Variants in MACROD2 observed in about 807,000 individuals in gnomAD.
MACROD2 encodes the protein ADP-ribose glycohydrolase MACROD2.
Under a neutral mutation model 70.4 loss-of-function variants are expected in MACROD2, and 36 were observed. The ratio of observed to expected loss-of-function variants is 0.51; its 90% CI spans 0.39 to 0.68. The LOEUF (loss-of-function observed/expected upper bound fraction) is 0.68, where lower values mean the gene tolerates loss of function less well. MACROD2 is among the 30% of genes least tolerant of loss of function. The pLI is 0.00. For missense variants in MACROD2, 496 were observed against 538.4 expected (o/e 0.92, Z 0.78); for synonymous variants, 172 against 178.8 (o/e 0.96, Z 0.30).
At chr20:14,418,056 C>G (rs1473992506) in intron 3 of MACROD2, among the ~76,000 whole-genome samples, 1 of 151,946 alleles carries the variant, frequency 6.6e-6, no homozygotes, top group Non-Finnish European at 1.5e-5. Context: ...TATAAGCTAA[C>G]TGAAAATGAA....
intron 3 of MACROD2, among the ~76,000 whole-genome samples, chr20:14,364,982 T>C (rs2083258543): frequency 6.6e-6 from 1 of 152,238 alleles, no homozygotes. Context: ...GCTAGCTTCA[T>C]AGAATGAATT....
At chr20:14,678,040 G>T (rs566027788) in intron 4 of MACROD2, among the ~76,000 whole-genome samples, 31 of 152,132 alleles carry the variant, frequency 2.0e-4, no homozygotes, top group Non-Finnish European at 4.1e-4. Flanking sequence ...ACATAATAAA[G>T]GTTTATCACC....
intron 5 of MACROD2, among the ~76,000 whole-genome samples, chr20:15,065,505 A>C (rs994251107): frequency 6.6e-6 from 1 of 152,030 alleles, no homozygotes; most frequent in African/African-American, 2.4e-5. Context: ...AATACAAAAA[A>C]TTAGCCAGGC....
At chr20:14,771,668 CACAT>C (rs764506173) in intron 5 of MACROD2, among the ~76,000 whole-genome samples, 31 of 125,256 alleles carry the variant, frequency 2.5e-4, no homozygotes, top group South Asian at 4.8e-4. Flanking sequence ...CACACACACA[CACAT>C]ATATATATAT....
At chr20:14,113,209 TGTTA>T (rs1193541714) in intron 3 of MACROD2, among the ~76,000 whole-genome samples, 7 of 152,096 alleles carry the variant, frequency 4.6e-5, no homozygotes, top group Non-Finnish European at 8.8e-5. Context: ...TTTTACATAC[TGTTA>T]GTACAAAGGC....
At chr20:15,056,695 G>A (rs1311663906) in intron 5 of MACROD2, among the ~76,000 whole-genome samples, 1 of 151,996 alleles carries the variant, frequency 6.6e-6, no homozygotes, top group Non-Finnish European at 1.5e-5. Context: ...CATGGTTATA[G>A]GACAAAATTT....
intron 8 of MACROD2, among the ~76,000 whole-genome samples, chr20:15,804,183 A>G (rs2063749547): frequency 6.6e-6 from 1 of 152,204 alleles, no homozygotes; most frequent in African/African-American, 2.4e-5. Context: ...TAAACTTCTT[A>G]AAGTTGGCAT....
At chr20:14,095,767 G>A (rs1425347988) in intron 3 of MACROD2, among the ~76,000 whole-genome samples, 1 of 152,068 alleles carries the variant, frequency 6.6e-6, no homozygotes, top group Non-Finnish European at 1.5e-5. Context: ...CCTTCTCTGG[G>A]AATTTAACAA....
intron 8 of MACROD2, among the ~76,000 whole-genome samples, chr20:15,839,508 G>T (rs1056757965): frequency 6.6e-6 from 1 of 152,120 alleles, no homozygotes; most frequent in African/African-American, 2.4e-5. Context: ...ACTGCCATGA[G>T]ACTATTGACT....
chr20:14,674,774 G>A (rs1008885874), intron 4 of MACROD2, among the ~76,000 whole-genome samples: 1 of 152,120 alleles, frequency 6.6e-6, no homozygotes, highest in Non-Finnish European at 1.5e-5. Context: ...CAAGGTAGTT[G>A]TTTAACAAAT....
intron 5 of MACROD2, among the ~76,000 whole-genome samples, chr20:14,815,568 A>G (rs2072764342): frequency 6.6e-6 from 1 of 152,016 alleles, no homozygotes; most frequent in Non-Finnish European, 1.5e-5. Flanking sequence ...TTGCAAATGT[A>G]AAATTAGTAT....
chr20:15,445,976 T>A (rs1216247864), intron 7 of MACROD2, among the ~76,000 whole-genome samples: 1 of 152,134 alleles, frequency 6.6e-6, no homozygotes, highest in African/African-American at 2.4e-5. Context: ...AGCTTCCTCA[T>A]ATGTTAGATG....
intron 5 of MACROD2, chr20:15,021,425 CTT>C (rs1457038027): frequency 2.0e-5 from 3 of 148,278 alleles, no homozygotes; most frequent in Non-Finnish European, 4.5e-5. Flanking sequence ...TGCATATAGT[CTT>C]CTATATATAC....
rs749396561 is a variant in MACROD2 at position 15,967,550 on chromosome 20, T to C, written c.908-3T>C. ...ACCAAAGGTTTTGCTTGTTTGTTGT[T>C]AGATTTTGCAAAGGATGAAAATATT... On this transcript the variant is annotated splice_region_variant and splice_polypyrimidine_tract_variant and intron_variant, in intron 12 of 17. Coordinates refer to ENST00000684519, the MANE Select transcript of MACROD2 (RefSeq NM_001351661.2). The C allele has an allele frequency of 4.3e-6, 7 of 1,610,566 alleles. No individual in the cohort carries two copies. The South Asian group carries it at 6.6e-5, about 15-fold the overall frequency.
intron 8 of MACROD2, among the ~76,000 whole-genome samples, chr20:15,856,590 A>G (rs1053084385): frequency 6.6e-6 from 1 of 152,194 alleles, no homozygotes; most frequent in Non-Finnish European, 1.5e-5. Flanking sequence ...GTCTAAACAT[A>G]TACTCTGTGG....
chr20:14,692,543 G>C (rs2071076684), intron 5 of MACROD2, among the ~76,000 whole-genome samples: 1 of 152,146 alleles, frequency 6.6e-6, no homozygotes, highest in South Asian at 2.1e-4. Flanking sequence ...GTTGGCTCTT[G>C]ATACATATTT....
chr20:14,758,350 T>G (rs1020224618), intron 5 of MACROD2, among the ~76,000 whole-genome samples: 20 of 152,124 alleles, frequency 1.3e-4, no homozygotes, highest in Admixed American at 2.6e-4. Context: ...GTAATCTGCA[T>G]TCAGATACAA....
intron 10 of MACROD2, among the ~76,000 whole-genome samples, chr20:15,887,201 C>T (rs2064833149): frequency 6.6e-6 from 1 of 152,128 alleles, no homozygotes; most frequent in Admixed American, 6.6e-5. Flanking sequence ...ATCTCTCTCC[C>T]TCCCCGGACT....
intron 4 of MACROD2, among the ~76,000 whole-genome samples, chr20:14,649,296 G>A (rs1985555308): frequency 6.6e-6 from 1 of 152,184 alleles, no homozygotes; most frequent in African/African-American, 2.4e-5. Context: ...GGTAGCACTA[G>A]TGAAACTAGT....
Sources: gnomAD v4.1 joint callset for allele counts (sites outside exome capture counted in the v4.1 genomes callset) on GRCh38, gnomAD v4.1.1 for gene constraint, MANE v1.5 for transcripts, NCBI Gene and HGNC (gene_info 2026-07-23, HGNC 2026-07-21) for gene names.